The following CAMK1D variants were observed in gnomAD, a reference collection of about 807,000 sequenced individuals.
The protein encoded by CAMK1D is calcium/calmodulin-dependent protein kinase type 1D.
Under a neutral mutation model 47.7 loss-of-function variants are expected in CAMK1D, and 9 were observed. That is an observed-to-expected ratio of 0.19 (90% CI 0.11 to 0.33). The LOEUF (loss-of-function observed/expected upper bound fraction) is 0.33, where lower values mean the gene tolerates loss of function less well. CAMK1D is among the 10% of genes least tolerant of loss of function. The probability of loss-of-function intolerance (pLI) is 1.00; values close to 1 mark genes in which losing one functional copy is unlikely to be tolerated. For synonymous variants in CAMK1D, 184 were observed against 184.9 expected (o/e 0.99, Z 0.04); for missense variants, 291 against 488.7 (o/e 0.60, Z 3.81).
chr10:12,804,571 C>T (rs1013990349), intron 6 of CAMK1D, among the ~76,000 whole-genome samples: 2 of 150,844 alleles, frequency 1.3e-5, no homozygotes, highest in Non-Finnish European at 2.9e-5. Flanking sequence ...GTACTCCAGC[C>T]TGGGCGACAG....
At chr10:12,547,825 G>A (rs1836444040) in intron 1 of CAMK1D, among the ~76,000 whole-genome samples, 2 of 152,222 alleles carry the variant, frequency 1.3e-5, no homozygotes, top group South Asian at 4.1e-4. Context: ...ATTTATTGTG[G>A]GAACAATAAC....
At chr10:12,511,622 A>G (rs976783219) in intron 1 of CAMK1D, among the ~76,000 whole-genome samples, 10 of 152,036 alleles carry the variant, frequency 6.6e-5, no homozygotes, top group African/African-American at 1.4e-4. Flanking sequence ...AAAAACGAAC[A>G]AACAAACAAA....
chr10:12,393,292 A>G (rs2131895468), intron 1 of CAMK1D, among the ~76,000 whole-genome samples: 1 of 152,116 alleles, frequency 6.6e-6, no homozygotes, highest in East Asian at 1.9e-4. Context: ...CGGCCTCCCA[A>G]AGTGCTGAGA....
At chr10:12,613,936 G>A (rs1838706682) in intron 2 of CAMK1D, among the ~76,000 whole-genome samples, 2 of 152,202 alleles carry the variant, frequency 1.3e-5, no homozygotes, top group Non-Finnish European at 2.9e-5. Flanking sequence ...GTAAGTGCGG[G>A]AGTCTGACGG....
intron 1 of CAMK1D, among the ~76,000 whole-genome samples, chr10:12,512,814 T>C (rs1315551690): frequency 2.0e-5 from 3 of 152,160 alleles, no homozygotes; most frequent in Admixed American, 6.5e-5. Flanking sequence ...AGGTTCCTGG[T>C]CCAGGTGATT....
At chr10:12,616,149 C>T (rs778637236) in intron 2 of CAMK1D, among the ~76,000 whole-genome samples, 5 of 151,878 alleles carry the variant, frequency 3.3e-5, no homozygotes, top group East Asian at 1.9e-4. Context: ...TATAAATGTA[C>T]GTGTGTGAAT....
At chr10:12,527,051 T>A (rs2132210200) in intron 1 of CAMK1D, among the ~76,000 whole-genome samples, 1 of 152,228 alleles carries the variant, frequency 6.6e-6, no homozygotes, top group South Asian at 2.1e-4. Flanking sequence ...AAATCTCCCT[T>A]ACACTCTGTA....
rs45564531 is a variant in CAMK1D, at chr10:12,397,186, C to T, written c.92+47276C>T. Among the ~76,000 whole-genome samples the T allele has an allele frequency of 3.1e-3, 467 of 152,234 alleles. 1 individual carries two copies. The highest frequency in any genetic ancestry group is 4.9e-3 in the Non-Finnish European group (331 of 68,022). On this transcript the variant is annotated intron_variant, in intron 1 of 10. Coordinates refer to ENST00000619168, the MANE Select transcript of CAMK1D (RefSeq NM_153498.4). ...CCCAGTTAAGATTATTTTTGGATCT[C>T]GTCTCAATGGTTTATTTCCATCATG...
intron 1 of CAMK1D, among the ~76,000 whole-genome samples, chr10:12,366,998 C>T (rs1163175980): frequency 6.6e-6 from 1 of 152,102 alleles, no homozygotes; most frequent in Non-Finnish European, 1.5e-5. Flanking sequence ...TTCTCATGGT[C>T]CCCATCTCTA....
chr10:12,511,918 G>T (rs1332625742), intron 1 of CAMK1D, among the ~76,000 whole-genome samples: 1 of 152,192 alleles, frequency 6.6e-6, no homozygotes, highest in East Asian at 1.9e-4. Flanking sequence ...GAGCTCCCTG[G>T]CTCCATGCCG....
chr10:12,687,839 G>A (rs545661176), intron 3 of CAMK1D, among the ~76,000 whole-genome samples: 2 of 152,306 alleles, frequency 1.3e-5, no homozygotes, highest in South Asian at 2.1e-4. Context: ...GTAATAGATT[G>A]TGCTTTCTTG....
intron 2 of CAMK1D, among the ~76,000 whole-genome samples, chr10:12,652,873 G>T (rs1013846545): frequency 2.0e-5 from 3 of 152,190 alleles, no homozygotes. Flanking sequence ...AGCAAAACAT[G>T]CTGCTCTTTT....
chr10:12,379,907 G>A (rs991747582), intron 1 of CAMK1D, among the ~76,000 whole-genome samples: 1 of 151,898 alleles, frequency 6.6e-6, no homozygotes, highest in African/African-American at 2.4e-5. Context: ...TCTTTTGGGA[G>A]GACTTTTAAA....
chr10:12,615,877 A>G, intron 2 of CAMK1D, among the ~76,000 whole-genome samples: 1 of 145,040 alleles, frequency 6.9e-6, no homozygotes, highest in South Asian at 2.2e-4. Context: ...TATGTGTATA[A>G]GTGTATGCAT....
chr10:12,354,733 T>G (rs1390214199), intron 1 of CAMK1D, among the ~76,000 whole-genome samples: 2 of 151,956 alleles, frequency 1.3e-5, no homozygotes, highest in Non-Finnish European at 2.9e-5. Flanking sequence ...TCAAGTACCC[T>G]TGCAACCCTA....
intron 1 of CAMK1D, among the ~76,000 whole-genome samples, chr10:12,373,106 G>T (rs1838050469): frequency 6.6e-6 from 1 of 152,194 alleles, no homozygotes; most frequent in East Asian, 1.9e-4. Context: ...GGGCTTCAGT[G>T]GCAAATGAGA....
At chr10:12,591,076 C>A (rs1003852763) in intron 2 of CAMK1D, among the ~76,000 whole-genome samples, 22 of 152,138 alleles carry the variant, frequency 1.4e-4, no homozygotes, top group African/African-American at 5.3e-4. Flanking sequence ...CCTCTGTCTG[C>A]TTTCTAAAAT....
At chr10:12,380,792 A>C (rs1355105388) in intron 1 of CAMK1D, among the ~76,000 whole-genome samples, 18 of 152,076 alleles carry the variant, frequency 1.2e-4, no homozygotes, top group Admixed American at 1.2e-3. Context: ...TGAGGCGGAG[A>C]TTGCAGTGAG....
chr10:12,655,122 T>C (rs981250648), intron 2 of CAMK1D, among the ~76,000 whole-genome samples: 5 of 152,174 alleles, frequency 3.3e-5, no homozygotes, highest in African/African-American at 9.7e-5. Flanking sequence ...TTTAATTGGC[T>C]CACAGTTCTG....
Sources: allele counts gnomAD v4.1 joint callset (sites outside exome capture counted in the v4.1 genomes callset), GRCh38; gene constraint gnomAD v4.1.1; transcripts MANE v1.5; gene names NCBI Gene and HGNC (gene_info 2026-07-23, HGNC 2026-07-21).